Variants in TATDN2 observed in about 807,000 individuals in gnomAD.
TATDN2 encodes the protein 3'-5' RNA nuclease TATDN2.
In TATDN2, 44 loss-of-function variants were observed where a neutral mutation model predicts 60.3. The ratio of observed to expected loss-of-function variants is 0.73; its 90% CI spans 0.57 to 0.94. TATDN2 has a LOEUF of 0.94. Ranked by LOEUF, TATDN2 falls within the 40% of genes least tolerant of loss-of-function variation. The probability of loss-of-function intolerance (pLI) is 0.00; values close to 1 mark genes in which losing one functional copy is unlikely to be tolerated. For synonymous variants in TATDN2, 399 were observed against 355.8 expected, an observed-to-expected ratio of 1.12 and a Z score of -1.37; for missense variants, 997 against 948.0, an observed-to-expected ratio of 1.05 and a Z score of -0.68.
At position 10,261,989 on chromosome 3, in the gene TATDN2, A is replaced by G. The variant is rs539944445; in HGVS notation, c.948+1319A>G. On this transcript the variant is annotated intron_variant, in intron 3 of 7. Coordinates refer to ENST00000448281, the MANE Select transcript of TATDN2 (RefSeq NM_014760.4). ...CATGTTCACAGCTGAGTCGCCTTGT[A>G]TACTCTGATCACATTTTCTTTCTTG... Among the ~76,000 whole-genome samples the G allele has an allele frequency of 3.3e-3, 498 of 152,292 alleles. 3 individuals carry two copies. The highest frequency in any genetic ancestry group is 5.4e-3 in the Non-Finnish European group (368 of 68,020).
At position 10,279,386 on chromosome 3, in the gene TATDN2, T is replaced by A. The variant is rs1274181830; in HGVS notation, c.*204T>A. On this transcript the variant is annotated 3_prime_UTR_variant, in exon 8 of 8. Coordinates refer to ENST00000448281, the MANE Select transcript of TATDN2 (RefSeq NM_014760.4). ...GGTGGTGGGTGGGGTGGGGTGGGCA[T>A]GGAATGAGGGGTATGGGGACTGCCT... 4.8e-6 allele frequency: 1 copy of A among 209,584 alleles called. No homozygotes were observed. The highest frequency in any genetic ancestry group is 9.5e-6 in the Non-Finnish European group (1 of 105,684). The allele number at this position is 209,584 out of a possible 1,614,324, so 13.0% of individuals were successfully genotyped here. A position where few individuals can be genotyped will look rare whatever the true frequency, so the allele number is the denominator to read the frequency against.
chr3:10,255,007 TTCCCAC>T (rs1249386636), intron 2 of TATDN2, among the ~76,000 whole-genome samples: 6 of 68,758 alleles, frequency 8.7e-5, no homozygotes, highest in African/African-American at 6.3e-4. Flanking sequence ...TCCTTCCCAC[TTCCCAC>T]TCCCCCTCCC....
Position 10,260,606 on chromosome 3 carries a change from T to G in TATDN2, c.884T>G (p.Ile295Ser). The change falls in exon 3 of 8, where the codon ATT (isoleucine) becomes AGT (serine). Residue 295 changes from isoleucine (I) to serine (S), a missense_variant. Transcript: ENST00000448281. ...CCCCTTGGGGACCGAAGGACTGTCA[T>G]TGACAAATGCTCTCCACCCCTAGAG... ...EEPLGDRRTVIDKCSPPLEFL... is the reference protein window; with the variant it reads ...EEPLGDRRTVSDKCSPPLEFL... 2.5e-6 allele frequency: 4 copies of G among 1,614,220 alleles called. No homozygotes were observed. The highest frequency in any genetic ancestry group is 3.4e-6 in the Non-Finnish European group (4 of 1,180,040).
At chr3:10,264,218 CA>C (rs1576010434) in intron 3 of TATDN2, among the ~76,000 whole-genome samples, 1 of 152,138 alleles carries the variant, frequency 6.6e-6, no homozygotes, top group African/African-American at 2.4e-5. Flanking sequence ...TCTGTAACTC[CA>C]GTTCCTCCAG....
intron 4 of TATDN2, among the ~76,000 whole-genome samples, chr3:10,272,784 C>T (rs1698585222): frequency 6.6e-6 from 1 of 151,592 alleles, no homozygotes; most frequent in South Asian, 2.1e-4. Context: ...CCTGTAATCC[C>T]AGCACTTTGG....
At position 10,256,986 on chromosome 3, in the gene TATDN2, G is replaced by A. The variant is rs146229949; in HGVS notation, c.415-3151G>A. Among the ~76,000 whole-genome samples, 111 of 152,024 alleles carry A rather than the reference G, an allele frequency of 7.3e-4. 3 individuals carry two copies. The East Asian group carries it at 0.02, about 27-fold the overall frequency. ...GTGTCTCACAGGGCAGGCCCTGGGAGTCATCAAATTTATTATTAGTATTAG... is the reference window on the plus strand; with the variant it reads ...GTGTCTCACAGGGCAGGCCCTGGGAATCATCAAATTTATTATTAGTATTAG... On this transcript the variant is annotated intron_variant, in intron 2 of 7. Coordinates refer to ENST00000448281, the MANE Select transcript of TATDN2 (RefSeq NM_014760.4).
Position 10,249,500 on chromosome 3 carries a change from C to G in TATDN2, c.300C>G (p.Gly100=). The G allele has an allele frequency of 1.2e-6, 2 of 1,611,552 alleles. No homozygotes were observed. Among genetic ancestry groups the G allele is most frequent in the East Asian group, 2.2e-5 (1 of 44,856 alleles). The change falls in exon 2 of 8, where the codon GGC becomes GGG. Residue 100 remains glycine (G), a synonymous_variant. Transcript: ENST00000448281. ...GPGVGGAASK[G]CLIRNTRGFL... ...GTGTGGGCGGGGCCGCCTCCAAAGG[C>G]TGCCTGATTCGGAACACTCGGGGGT...
At chr3:10,261,365 C>CTT (rs58599009) in intron 3 of TATDN2, among the ~76,000 whole-genome samples, 3 of 134,030 alleles carry the variant, frequency 2.2e-5, no homozygotes, top group African/African-American at 2.8e-5. Flanking sequence ...CCATCTTTTT[C>CTT]TTTTTTTTTT....
intron 3 of TATDN2, among the ~76,000 whole-genome samples, chr3:10,266,753 A>G (rs963655918): frequency 6.6e-6 from 1 of 152,212 alleles, no homozygotes; most frequent in East Asian, 1.9e-4. Context: ...GGTTTCAGGA[A>G]AGAGTAAAAT....
chr3:10,276,530 T>G (rs760530022), intron 5 of TATDN2, 42 bp downstream of exon 5: 2 of 1,597,624 alleles, frequency 1.3e-6, no homozygotes, highest in East Asian at 4.5e-5. Context: ...AAAGAAACAC[T>G]TCCTCTGTCA....
rs1475190167 is a variant in TATDN2, at chr3:10,281,134, T to TCA, written c.*1954_*1955dup. 6.6e-6 allele frequency: 1 copy of TCA among 152,222 alleles called. No individual in the cohort carries two copies. The highest frequency in any genetic ancestry group is 2.4e-5 in the African/African-American group (1 of 41,456). 9.4% of individuals were successfully genotyped at this position (152,222 alleles called of 1,614,324 possible). A position where few individuals can be genotyped will look rare whatever the true frequency, so the allele number is the denominator to read the frequency against. The stretch of plus-strand genomic sequence containing the variant: ...CAGCTTTTTGGATGGCTAATTGTTT[T>TCA]CACTGTGCTGTGGGAATGCCTCTGT... On this transcript the variant is annotated 3_prime_UTR_variant, in exon 8 of 8. Transcript: ENST00000448281.
At chr3:10,250,292 C>T (rs1381055612) in intron 2 of TATDN2, among the ~76,000 whole-genome samples, 1 of 151,526 alleles carries the variant, frequency 6.6e-6, no homozygotes, top group East Asian at 1.9e-4. Flanking sequence ...ATACATTTCG[C>T]TCATCTACTC....
chr3:10,261,475 A>G (rs144889975), intron 3 of TATDN2, among the ~76,000 whole-genome samples: 10 of 151,672 alleles, frequency 6.6e-5, no homozygotes, highest in African/African-American at 1.7e-4. Flanking sequence ...GGTTCAAGCA[A>G]TTCTCCTGCC....
intron 2 of TATDN2, among the ~76,000 whole-genome samples, chr3:10,256,368 G>T (rs1054245339): frequency 5.3e-5 from 8 of 151,886 alleles, no homozygotes; most frequent in African/African-American, 1.7e-4. Context: ...TACAGATGGG[G>T]TCTTGCTATG....
intron 4 of TATDN2, 72 bp downstream of exon 4, chr3:10,271,087 T>A (rs1162211752): frequency 6.8e-7 from 1 of 1,481,206 alleles, no homozygotes. Context: ...ACAATAAGGG[T>A]TTATCTAATT....
At chr3:10,253,729 G>A (rs1698263357) in intron 2 of TATDN2, among the ~76,000 whole-genome samples, 2 of 152,208 alleles carry the variant, frequency 1.3e-5, no homozygotes, top group Non-Finnish European at 2.9e-5. Flanking sequence ...CGTGAAGTAG[G>A]TGGTATTATC....
In TATDN2 at chr3:10,280,013, T is replaced by C. The variant is rs939078245; in HGVS notation, c.*831T>C. The C allele has an allele frequency of 6.5e-6, 1 of 153,860 alleles. No individual in the cohort carries two copies. The highest frequency in any genetic ancestry group is 2.4e-5 in the African/African-American group (1 of 41,476). The allele number at this position is 153,860 out of a possible 1,614,324, so 9.5% of individuals were successfully genotyped here. A position where few individuals can be genotyped will look rare whatever the true frequency, so the allele number is the denominator to read the frequency against. On this transcript the variant is annotated 3_prime_UTR_variant, in exon 8 of 8. Coordinates refer to ENST00000448281, the MANE Select transcript of TATDN2 (RefSeq NM_014760.4). ...TCAGTTTGCGGCGGAAACTACCTGC[T>C]AGTCTTGTGTCAGGGGCTGCCAGCC...
chr3:10,266,011 C>T (rs1250710132), intron 3 of TATDN2, among the ~76,000 whole-genome samples: 1 of 152,156 alleles, frequency 6.6e-6, no homozygotes, highest in African/African-American at 2.4e-5. Context: ...TAGGTTTTGG[C>T]CATCTGATCT....
chr3:10,276,563 C>T (rs560838356), intron 5 of TATDN2, 75 bp downstream of exon 5: 695 of 1,560,138 alleles, frequency 4.5e-4, no homozygotes, highest in Non-Finnish European at 5.5e-4. Flanking sequence ...CAGCAATGAT[C>T]GTATTCTGTC....
Sources: allele counts gnomAD v4.1 joint callset (sites outside exome capture counted in the v4.1 genomes callset), GRCh38; gene constraint gnomAD v4.1.1; transcripts MANE v1.5; gene names NCBI Gene and HGNC (gene_info 2026-07-23, HGNC 2026-07-21).